SNTG2: variants seen among roughly 807,000 people sequenced by gnomAD.
SNTG2 encodes the protein gamma-2-syntrophin.
In SNTG2, 74 loss-of-function variants were observed where a neutral mutation model predicts 70.9. The observed-to-expected ratio is 1.04, with a 90% CI of 0.86 to 1.27. The LOEUF is 1.27. SNTG2 is among the 50% of genes most tolerant of loss of function. SNTG2 has a pLI of 0.00. For missense variants in SNTG2, 717 were observed against 690.7 expected, an observed-to-expected ratio of 1.04 and a Z score of -0.43; for synonymous variants, 278 against 273.8, an observed-to-expected ratio of 1.02 and a Z score of -0.15.
chr2:1,194,172 C>G (rs1332784465), intron 8 of SNTG2, among the ~76,000 whole-genome samples: 1 of 152,184 alleles, frequency 6.6e-6, no homozygotes, highest in Non-Finnish European at 1.5e-5. Context: ...TTATAAGAAG[C>G]TGTAACTCCC....
intron 8 of SNTG2, among the ~76,000 whole-genome samples, chr2:1,207,538 T>C (rs1673715510): frequency 6.6e-6 from 1 of 152,182 alleles, no homozygotes; most frequent in Non-Finnish European, 1.5e-5. Flanking sequence ...AGGCCTTTCA[T>C]CTAAAATCCT....
intron 1 of SNTG2, among the ~76,000 whole-genome samples, chr2:1,020,011 C>G (rs1660071736): frequency 6.6e-6 from 1 of 152,144 alleles, no homozygotes; most frequent in East Asian, 1.9e-4. Context: ...CCACTGCACT[C>G]CAGCTTGGGG....
intron 6 of SNTG2, among the ~76,000 whole-genome samples, chr2:1,161,902 G>T (rs4971367): frequency 2.2e-4 from 34 of 151,598 alleles, no homozygotes; most frequent in African/African-American, 8.2e-4. Context: ...GTGAAACCCC[G>T]TCTCTACTAA....
chr2:1,165,638 A>G lies in SNTG2; in HGVS notation c.499+3A>G, dbSNP rs1670659909. On this transcript the variant is annotated splice_donor_region_variant and intron_variant, in intron 7 of 16. Transcript: ENST00000308624. Reference sequence around the variant, plus strand: ...GGCATTTCTGAAGCTCCCGTTAGGTAAGTGGGAAGAGGAGAAATGCCAGGG... The same window carrying G: ...GGCATTTCTGAAGCTCCCGTTAGGTGAGTGGGAAGAGGAGAAATGCCAGGG... 6.2e-7 allele frequency: 1 copy of G among 1,609,316 alleles called. No homozygotes were observed. The highest frequency in any genetic ancestry group is 1.1e-5 in the South Asian group (1 of 89,694).
chr2:1,145,232 A>G (rs1370737621), intron 6 of SNTG2, among the ~76,000 whole-genome samples: 1 of 152,210 alleles, frequency 6.6e-6, no homozygotes, highest in Non-Finnish European at 1.5e-5. Flanking sequence ...GTAGAGGAAA[A>G]TAAATGATGA....
chr2:1,085,479 G>C (rs190596538), intron 2 of SNTG2, among the ~76,000 whole-genome samples: 2 of 152,270 alleles, frequency 1.3e-5, no homozygotes, highest in African/African-American at 4.8e-5. Context: ...AGTTATATTT[G>C]TATTCCCACC....
intron 11 of SNTG2, among the ~76,000 whole-genome samples, chr2:1,244,473 G>T (rs1677273941): frequency 6.6e-6 from 1 of 152,090 alleles, no homozygotes; most frequent in Non-Finnish European, 1.5e-5. Context: ...GAGGCTGGCG[G>T]ATCACGAGGG....
At chr2:1,086,108 G>T (rs1461515280) in intron 2 of SNTG2, among the ~76,000 whole-genome samples, 1 of 152,172 alleles carries the variant, frequency 6.6e-6, no homozygotes, top group Non-Finnish European at 1.5e-5. Flanking sequence ...TAATCTAAGG[G>T]ATGCTCTCTG....
chr2:1,341,286 C>A lies in SNTG2; in HGVS notation c.1488+24911C>A, dbSNP rs111820634. ...CATGAAAAAGGGCCACAGCTGACAC[C>A]CCTACAGCAGAAACACATGTTAACA... On this transcript the variant is annotated intron_variant, in intron 16 of 16. Coordinates refer to ENST00000308624, the MANE Select transcript of SNTG2 (RefSeq NM_018968.4). 19 of 152,178 alleles carry A rather than the reference C, an allele frequency of 1.2e-4. 1 individual carries two copies. Among genetic ancestry groups the A allele is most frequent in the Admixed American group, 2.6e-4 (4 of 15,282 alleles). 9.4% of individuals were successfully genotyped at this position (152,178 alleles called of 1,614,324 possible).
Position 1,170,385 on chromosome 2 carries a change from C to A in SNTG2, c.500-2707C>A, listed in dbSNP as rs66917431. Among the ~76,000 whole-genome samples the A allele has an allele frequency of 1.1e-3, 169 of 152,242 alleles. 1 individual carries two copies. Among genetic ancestry groups the A allele is most frequent in the African/African-American group, 3.9e-3 (163 of 41,518 alleles). ...CCCTGTGCCAGTTAGTCAGCCCGGACTCTCCCCACCCCAGCCCTCGGCAGC... is the reference window on the plus strand; with the variant it reads ...CCCTGTGCCAGTTAGTCAGCCCGGAATCTCCCCACCCCAGCCCTCGGCAGC... On this transcript the variant is annotated intron_variant, in intron 7 of 16. Coordinates refer to ENST00000308624, the MANE Select transcript of SNTG2 (RefSeq NM_018968.4).
At chr2:1,361,249 A>G (rs1222205956) in intron 16 of SNTG2, among the ~76,000 whole-genome samples, 1 of 152,176 alleles carries the variant, frequency 6.6e-6, no homozygotes, top group Admixed American at 6.5e-5. Context: ...TTCTCCACCA[A>G]CAATAAGAAA....
chr2:1,165,377 G>T (rs1670637889), intron 6 of SNTG2, among the ~76,000 whole-genome samples, 171 bp from the exon 7 acceptor site: 1 of 152,116 alleles, frequency 6.6e-6, no homozygotes, highest in African/African-American at 2.4e-5. Flanking sequence ...TCTCGGAGGT[G>T]ATAACCACTC....
chr2:970,570 C>T (rs1660705239), intron 1 of SNTG2, among the ~76,000 whole-genome samples: 1 of 144,194 alleles, frequency 6.9e-6, no homozygotes, highest in South Asian at 2.3e-4. Flanking sequence ...TTTCCAATTT[C>T]ATCCATGTCC....
chr2:1,149,873 A>G (rs1306009991), intron 6 of SNTG2, among the ~76,000 whole-genome samples: 1 of 146,136 alleles, frequency 6.8e-6, no homozygotes, highest in Non-Finnish European at 1.5e-5. Context: ...TATTTTTAGT[A>G]GAGACGGGGT....
At chr2:1,070,586 T>C (rs1286022166) in intron 1 of SNTG2, among the ~76,000 whole-genome samples, 1 of 152,216 alleles carries the variant, frequency 6.6e-6, no homozygotes, top group African/African-American at 2.4e-5. Flanking sequence ...ATATCTTACT[T>C]ACATGCAGCA....
intron 12 of SNTG2, among the ~76,000 whole-genome samples, chr2:1,250,664 T>C (rs1276627439): frequency 2.6e-5 from 4 of 152,054 alleles, no homozygotes; most frequent in Non-Finnish European, 4.4e-5. Flanking sequence ...TCTTTGCTCC[T>C]CTCGAGGTCT....
intron 7 of SNTG2, among the ~76,000 whole-genome samples, chr2:1,167,323 C>A (rs1275518123): frequency 6.8e-6 from 1 of 147,668 alleles, no homozygotes; most frequent in Non-Finnish European, 1.5e-5. Context: ...GAACTGAAGC[C>A]TATAGGCCGC....
intron 4 of SNTG2, 89 bp downstream of exon 4, chr2:1,098,499 GT>G (rs1665546798): frequency 1.5e-6 from 2 of 1,366,702 alleles, no homozygotes; most frequent in Admixed American, 1.8e-5. Flanking sequence ...GCAGATATGT[GT>G]TTTGCTCGAT....
chr2:1,044,868 G>A (rs965162092), intron 1 of SNTG2, among the ~76,000 whole-genome samples: 4 of 151,744 alleles, frequency 2.6e-5, no homozygotes, highest in South Asian at 4.2e-4. Flanking sequence ...TTGATGTGTC[G>A]CTGAGAGGTT....
Sources: allele counts gnomAD v4.1 joint callset (sites outside exome capture counted in the v4.1 genomes callset), GRCh38; gene constraint gnomAD v4.1.1; transcripts MANE v1.5; gene names NCBI Gene and HGNC (gene_info 2026-07-23, HGNC 2026-07-21).